The following ARHGAP42 variants were observed in gnomAD, a reference collection of about 807,000 sequenced individuals.
ARHGAP42 encodes the protein rho GTPase-activating protein 42.
ARHGAP42 carries 63 observed loss-of-function variants against 125.0 expected under a neutral mutation model. The ratio of observed to expected loss-of-function variants is 0.50; its 90% CI spans 0.41 to 0.62. The LOEUF is 0.62. ARHGAP42 is among the 20% of genes least tolerant of loss of function. The probability of loss-of-function intolerance (pLI) is 0.00; values close to 1 mark genes in which losing one functional copy is unlikely to be tolerated. For missense variants in ARHGAP42, 766 were observed against 1,024.2 expected, an observed-to-expected ratio of 0.75 and a Z score of 3.44; for synonymous variants, 339 against 351.0, an observed-to-expected ratio of 0.97 and a Z score of 0.38.
chr11:100,775,541 G>A (rs1057056846), intron 2 of ARHGAP42, among the ~76,000 whole-genome samples: 1 of 152,166 alleles, frequency 6.6e-6, no homozygotes, highest in Non-Finnish European at 1.5e-5. Flanking sequence ...CTTACTGATA[G>A]GAAATAAAAG....
rs189068822 is a variant in ARHGAP42 at position 100,976,551 on chromosome 11, A to T, written c.2236+114A>T. ...AATGGTGGAGAAACTAATGATGCTTATCTACTTTTTTCCTGTGCTTGGATT... is the reference window on the plus strand; with the variant it reads ...AATGGTGGAGAAACTAATGATGCTTTTCTACTTTTTTCCTGTGCTTGGATT... On this transcript the variant is annotated intron_variant, in intron 20 of 23. Transcript: ENST00000298815. 2.5e-4 allele frequency: 339 copies of T among 1,381,628 alleles called. 2 individuals carry two copies. In the African/African-American group the frequency reaches 4.2e-3, roughly 17 times the overall value. 85.6% of individuals were successfully genotyped at this position (1,381,628 alleles called of 1,614,324 possible).
chr11:100,822,779 C>A (rs998658662), intron 3 of ARHGAP42, among the ~76,000 whole-genome samples: 6 of 152,082 alleles, frequency 3.9e-5, no homozygotes, highest in African/African-American at 1.4e-4. Flanking sequence ...TTGCAGTTCA[C>A]AAAGGTAATT....
chr11:100,764,022 C>CTT (rs1565203915), intron 1 of ARHGAP42, among the ~76,000 whole-genome samples: 1 of 140,914 alleles, frequency 7.1e-6, no homozygotes, highest in Non-Finnish European at 1.5e-5. Context: ...TCTTCTTCTT[C>CTT]TTCTTTTTTT....
Position 100,737,429 on chromosome 11 carries a change from G to C in ARHGAP42, c.155-32914G>C, listed in dbSNP as rs151248692. Among the ~76,000 whole-genome samples the C allele has an allele frequency of 2.2e-3, 330 of 152,110 alleles. 2 individuals are homozygous for C. Among genetic ancestry groups the C allele is most frequent in the African/African-American group, 7.5e-3 (313 of 41,506 alleles). ...ATCCTGTGAGTGATTTTTATGTTTC[G>C]TTGTTGTTGTTGTTGTTTTTGGCTA... On this transcript the variant is annotated intron_variant, in intron 1 of 23. Coordinates refer to ENST00000298815, the MANE Select transcript of ARHGAP42 (RefSeq NM_152432.4).
At chr11:100,693,349 G>T (rs1166702776) in intron 1 of ARHGAP42, among the ~76,000 whole-genome samples, 4 of 152,138 alleles carry the variant, frequency 2.6e-5, no homozygotes, top group Non-Finnish European at 5.9e-5. Context: ...AGAAGTAATT[G>T]CATCTTTCAG....
At chr11:100,867,672 G>T (rs1183755105) in intron 4 of ARHGAP42, among the ~76,000 whole-genome samples, 2 of 152,192 alleles carry the variant, frequency 1.3e-5, no homozygotes, top group African/African-American at 4.8e-5. Flanking sequence ...CCATTTGTGT[G>T]TTCACTGGAG....
At chr11:100,820,724 G>A (rs1864385178) in intron 3 of ARHGAP42, among the ~76,000 whole-genome samples, 1 of 152,004 alleles carries the variant, frequency 6.6e-6, no homozygotes, top group South Asian at 2.1e-4. Context: ...TTGGGATTTG[G>A]ACCACAGTTT....
intron 1 of ARHGAP42, among the ~76,000 whole-genome samples, chr11:100,769,883 G>C (rs693080): frequency 0.77 from 116,496 of 151,714 alleles, 44,976 homozygotes; most frequent in East Asian, 1. Context: ...GCATGCTGAG[G>C]TTAATACCTA....
intron 22 of ARHGAP42, among the ~76,000 whole-genome samples, chr11:100,984,251 C>G (rs967924678): frequency 6.6e-6 from 1 of 151,962 alleles, no homozygotes; most frequent in Non-Finnish European, 1.5e-5. Flanking sequence ...TTTTGTCTTA[C>G]GCATTAACAT....
intron 6 of ARHGAP42, among the ~76,000 whole-genome samples, chr11:100,927,365 C>G (rs1243034704): frequency 6.6e-6 from 1 of 152,020 alleles, no homozygotes; most frequent in Non-Finnish European, 1.5e-5. Context: ...TTTCGAAACT[C>G]TGTAGGACTA....
intron 3 of ARHGAP42, among the ~76,000 whole-genome samples, chr11:100,815,386 G>T (rs1864244638): frequency 6.6e-6 from 1 of 152,124 alleles, no homozygotes. Flanking sequence ...AAGGCAAATT[G>T]TGTGAAAGAG....
At chr11:100,833,475 T>C (rs1864708973) in intron 3 of ARHGAP42, among the ~76,000 whole-genome samples, 1 of 152,184 alleles carries the variant, frequency 6.6e-6, no homozygotes, top group Non-Finnish European at 1.5e-5. Context: ...ATTGTTTCAG[T>C]GTGTGTCAGC....
intron 1 of ARHGAP42, among the ~76,000 whole-genome samples, chr11:100,741,967 T>TA (rs200128674): frequency 3.2e-4 from 49 of 151,998 alleles, no homozygotes; most frequent in African/African-American, 1.0e-3. Flanking sequence ...GCTTTTTCAA[T>TA]AAAAAAAACC....
chr11:100,916,279 G>T lies in ARHGAP42; in HGVS notation c.486+2726G>T, dbSNP rs118011222. Among the ~76,000 whole-genome samples, 1,289 of 152,246 alleles carry T rather than the reference G, an allele frequency of 8.5e-3. 17 individuals carry two copies. The highest frequency in any genetic ancestry group is 0.017 in the Middle Eastern group (5 of 294). On this transcript the variant is annotated intron_variant, in intron 5 of 23. Transcript: ENST00000298815. ...TCTAAGCATAAAGGAAATGTAGAAA[G>T]ACCTGAATGCATAAAAATAAGTAAT...
intron 1 of ARHGAP42, among the ~76,000 whole-genome samples, chr11:100,700,599 A>G (rs1466207184): frequency 6.6e-6 from 1 of 152,182 alleles, no homozygotes; most frequent in African/African-American, 2.4e-5. Context: ...CCAGGAGTCA[A>G]TTGCACATGG....
At chr11:100,739,670 T>C (rs1219026081) in intron 1 of ARHGAP42, among the ~76,000 whole-genome samples, 9 of 152,080 alleles carry the variant, frequency 5.9e-5, no homozygotes, top group Admixed American at 5.2e-4. Flanking sequence ...CTCCCTCCCC[T>C]CTGCATCTAA....
At chr11:100,974,063 G>A (rs1304692712) in intron 18 of ARHGAP42, among the ~76,000 whole-genome samples, 6 of 152,178 alleles carry the variant, frequency 3.9e-5, no homozygotes, top group Non-Finnish European at 8.8e-5. Context: ...GCAGCTCAGA[G>A]CCAACAGCAT....
At chr11:100,879,339 G>T (rs1865901837) in intron 4 of ARHGAP42, among the ~76,000 whole-genome samples, 1 of 152,166 alleles carries the variant, frequency 6.6e-6, no homozygotes, top group Admixed American at 6.5e-5. Flanking sequence ...AAAGATAACA[G>T]AATGGTTAAA....
At position 100,990,297 on chromosome 11, in the gene ARHGAP42, A is replaced by G. The variant is rs1858799278; in HGVS notation, c.*1496A>G. 1 of 152,078 alleles carries G rather than the reference A, an allele frequency of 6.6e-6. No homozygotes were observed. Among genetic ancestry groups the G allele is most frequent in the Non-Finnish European group, 1.5e-5 (1 of 67,992 alleles). The allele number at this position is 152,078 out of a possible 1,614,324, so 9.4% of individuals were successfully genotyped here. A position where few individuals can be genotyped will look rare whatever the true frequency, so the allele number is the denominator to read the frequency against. ...GCAGACTCTCAGGTATTAACTGTAA[A>G]AAACTCTTTACATGCCATTATTATC... On this transcript the variant is annotated 3_prime_UTR_variant, in exon 24 of 24. Transcript: ENST00000298815.
Sources: gnomAD v4.1 joint callset for allele counts (sites outside exome capture counted in the v4.1 genomes callset) on GRCh38, gnomAD v4.1.1 for gene constraint, MANE v1.5 for transcripts, NCBI Gene and HGNC (gene_info 2026-07-23, HGNC 2026-07-21) for gene names.